The following AK4 variants were observed in gnomAD, a reference collection of about 807,000 sequenced individuals.
AK4 encodes adenylate kinase 4, mitochondrial.
AK4 carries 13 observed loss-of-function variants against 24.6 expected under a neutral mutation model. The observed-to-expected ratio is 0.53, with a 90% confidence interval of 0.34 to 0.84. The LOEUF is 0.84. Ranked by LOEUF, AK4 falls within the 40% of genes least tolerant of loss-of-function variation. The probability of loss-of-function intolerance (pLI) is 0.01; values close to 1 mark genes in which losing one functional copy is unlikely to be tolerated. For missense variants in AK4, 192 were observed against 288.2 expected (o/e 0.67, Z 2.42); for synonymous variants, 88 against 107.0 (o/e 0.82, Z 1.10).
In AK4 at chr1:65,230,029, TA is replaced by T. The variant is rs1424760188; in HGVS notation, c.*3854del. 6.6e-6 allele frequency: 1 copy of T among 152,212 alleles called. No individual in the cohort carries two copies. The allele number at this position is 152,212 out of a possible 1,614,324, so 9.4% of individuals were successfully genotyped here. A position where few individuals can be genotyped will look rare whatever the true frequency, so the allele number is the denominator to read the frequency against. On this transcript the variant is annotated 3_prime_UTR_variant, in exon 5 of 5. Coordinates refer to ENST00000327299, the MANE Select transcript of AK4 (RefSeq NM_013410.4). ...TACCATTGTCTATTCCATTACACAT[TA>T]ACATGACTCTGAATGCCAGATCCAA...
intron 1 of AK4, among the ~76,000 whole-genome samples, chr1:65,188,238 T>C (rs2101036979): frequency 6.6e-6 from 1 of 151,946 alleles, no homozygotes; most frequent in East Asian, 2.0e-4. Flanking sequence ...CTACTAAAAA[T>C]ACAGAAATTA....
chr1:65,159,469 C>A (rs573648903), intron 1 of AK4, among the ~76,000 whole-genome samples: 1 of 151,774 alleles, frequency 6.6e-6, no homozygotes, highest in Non-Finnish European at 1.5e-5. Context: ...CCAGCCTGGG[C>A]AACATGGCAA....
rs1449372827 is a variant in AK4 at position 65,231,635 on chromosome 1, A to G, written c.*5458A>G. ...TCAGAAATGTCCTAAATAACAAACTATTTTGTATTTAATTTAGGGAAGACT... is the reference window on the plus strand; with the variant it reads ...TCAGAAATGTCCTAAATAACAAACTGTTTTGTATTTAATTTAGGGAAGACT... On this transcript the variant is annotated 3_prime_UTR_variant, in exon 5 of 5. Transcript: ENST00000327299. 1.3e-5 allele frequency: 2 copies of G among 152,330 alleles called. No homozygotes were observed. The highest frequency in any genetic ancestry group is 3.9e-4 in the East Asian group (2 of 5,190). The allele number at this position is 152,330 out of a possible 1,614,324, so 9.4% of individuals were successfully genotyped here. A position where few individuals can be genotyped will look rare whatever the true frequency, so the allele number is the denominator to read the frequency against.
At chr1:65,182,853 A>G (rs1650956230) in intron 1 of AK4, among the ~76,000 whole-genome samples, 1 of 152,200 alleles carries the variant, frequency 6.6e-6, no homozygotes, top group Non-Finnish European at 1.5e-5. Context: ...TTCCTCTTTC[A>G]TAGTGTATTT....
chr1:65,218,720 C>T, intron 2 of AK4, 34 bp from the exon 3 acceptor site: 1 of 1,544,282 alleles, frequency 6.5e-7, no homozygotes, highest in Non-Finnish European at 8.7e-7. Context: ...TGGGCAATAG[C>T]TTGCATTTCA....
chr1:65,177,802 G>A (rs1366556606), intron 1 of AK4, among the ~76,000 whole-genome samples: 14 of 152,134 alleles, frequency 9.2e-5, no homozygotes, highest in Non-Finnish European at 1.6e-4. Context: ...CTGAAGCAAC[G>A]GTTGTGAGAA....
intron 2 of AK4, among the ~76,000 whole-genome samples, chr1:65,193,167 C>G (rs529986334): frequency 6.6e-6 from 1 of 152,308 alleles, no homozygotes; most frequent in South Asian, 2.1e-4. Context: ...CTGGGCCTAC[C>G]AGGGGCATTC....
intron 1 of AK4, among the ~76,000 whole-genome samples, chr1:65,151,813 A>T (rs1024136046): frequency 6.6e-6 from 1 of 152,120 alleles, no homozygotes; most frequent in East Asian, 1.9e-4. Flanking sequence ...GCTGTCACCC[A>T]TTGGCCCTTC....
At chr1:65,152,382 ATATTTTTTTTTTTTTTTTTTT>A (rs1649824809) in intron 1 of AK4, among the ~76,000 whole-genome samples, 3 of 26,714 alleles carry the variant, frequency 1.1e-4, no homozygotes, top group African/African-American at 3.4e-4. Flanking sequence ...ATATATATAT[ATATTTTTTTTTTTTTTTTTTT>A]TTTTTTTTTT....
intron 1 of AK4, among the ~76,000 whole-genome samples, chr1:65,177,336 T>A (rs1028772580): frequency 6.6e-6 from 1 of 152,186 alleles, no homozygotes; most frequent in Admixed American, 6.5e-5. Flanking sequence ...AAAAATTATA[T>A]TAAATAAGTT....
intron 1 of AK4, among the ~76,000 whole-genome samples, chr1:65,169,228 T>TA (rs1466419374): frequency 3.3e-5 from 5 of 151,766 alleles, no homozygotes; most frequent in Non-Finnish European, 7.4e-5. Flanking sequence ...ACACTTAGCC[T>TA]AAATATTGCA....
At chr1:65,193,044 C>T (rs1202880293) in intron 2 of AK4, among the ~76,000 whole-genome samples, 1 of 152,202 alleles carries the variant, frequency 6.6e-6, no homozygotes, top group Non-Finnish European at 1.5e-5. Context: ...CCCATGGCTC[C>T]ATTAGGCATT....
intron 2 of AK4, among the ~76,000 whole-genome samples, chr1:65,213,450 G>A (rs1453705557): frequency 1.3e-5 from 2 of 152,130 alleles, no homozygotes; most frequent in African/African-American, 4.8e-5. Flanking sequence ...AGCTGTAACT[G>A]CCACAGAGAG....
At chr1:65,191,388 A>G (rs1399693125) in intron 2 of AK4, among the ~76,000 whole-genome samples, 1 of 152,174 alleles carries the variant, frequency 6.6e-6, no homozygotes. Flanking sequence ...AGAGGACATT[A>G]TTACTGACAC....
At chr1:65,210,084 A>T (rs1557464349) in intron 2 of AK4, among the ~76,000 whole-genome samples, 1 of 152,222 alleles carries the variant, frequency 6.6e-6, no homozygotes, top group Non-Finnish European at 1.5e-5. Context: ...GGTGTTGACC[A>T]TTCTTCTCGG....
At chr1:65,172,645 T>C (rs1009823843) in intron 1 of AK4, among the ~76,000 whole-genome samples, 2 of 152,092 alleles carry the variant, frequency 1.3e-5, no homozygotes, top group Admixed American at 6.5e-5. Context: ...CAGGAACTCA[T>C]ATATTGGAAT....
intron 2 of AK4, among the ~76,000 whole-genome samples, chr1:65,200,803 G>GTT (rs397803566): frequency 1.0e-3 from 151 of 146,640 alleles, no homozygotes; most frequent in East Asian, 2.8e-3. Flanking sequence ...GCTGGGTTTT[G>GTT]TTTTTTTTTT....
chr1:65,167,817 C>T (rs533252799), intron 1 of AK4, among the ~76,000 whole-genome samples: 2,469 of 152,118 alleles, frequency 0.016, 35 homozygotes, highest in Non-Finnish European at 0.026. Flanking sequence ...TTTTTTTTCC[C>T]CTTATACTGA....
intron 1 of AK4, among the ~76,000 whole-genome samples, chr1:65,190,481 G>C (rs1651270377): frequency 6.6e-6 from 1 of 151,528 alleles, no homozygotes; most frequent in Non-Finnish European, 1.5e-5. Flanking sequence ...GTGGTGCTAT[G>C]CTATCTCAAA....
Sources: allele counts gnomAD v4.1 joint callset (sites outside exome capture counted in the v4.1 genomes callset), GRCh38; gene constraint gnomAD v4.1.1; transcripts MANE v1.5; gene names NCBI Gene and HGNC (gene_info 2026-07-23, HGNC 2026-07-21).